PARP16: variants seen among roughly 807,000 people sequenced by gnomAD.
PARP16 encodes the protein poly(ADP-ribose) polymerase family member 16.
Under a neutral mutation model 35.0 loss-of-function variants are expected in PARP16, and 31 were observed. The ratio of observed to expected loss-of-function variants is 0.88; its 90% CI spans 0.66 to 1.19. PARP16 has a LOEUF of 1.19. PARP16 is among the 50% of genes most tolerant of loss of function. PARP16 has a pLI of 0.00. For missense variants in PARP16, 424 were observed against 411.2 expected, an observed-to-expected ratio of 1.03 and a Z score of -0.27; for synonymous variants, 162 against 169.5, an observed-to-expected ratio of 0.96 and a Z score of 0.34.
At chr15:65,231,047 C>T (rs368448569), downstream of PARP16, among the ~76,000 whole-genome samples, 1 of 152,038 alleles carries the variant, frequency 6.6e-6, no homozygotes, top group Non-Finnish European at 1.5e-5. Flanking sequence ...TGCCATCATG[C>T]CTGGCTAGTT....
chr15:65,247,866 G>A (rs1197694073), intron 3 of PARP16, among the ~76,000 whole-genome samples: 2 of 146,808 alleles, frequency 1.4e-5, no homozygotes, highest in Admixed American at 6.9e-5. Context: ...GTGCAGTGGC[G>A]CAATCTCGGC....
chr15:65,279,955 C>A (rs1267829870), intron 1 of PARP16, among the ~76,000 whole-genome samples: 1 of 151,526 alleles, frequency 6.6e-6, no homozygotes, highest in African/African-American at 2.4e-5. Flanking sequence ...AAAGAATGAT[C>A]TTTCCAAACC....
intron 1 of PARP16, among the ~76,000 whole-genome samples, chr15:65,285,910 C>G (rs1039799910): frequency 1.3e-5 from 2 of 152,190 alleles, no homozygotes; most frequent in Non-Finnish European, 2.9e-5. Flanking sequence ...GGATAACTTT[C>G]TAGCTAAGCA....
At chr15:65,248,702 C>T (rs12441021) in intron 2 of PARP16, among the ~76,000 whole-genome samples, 33,830 of 152,104 alleles carry the variant, frequency 0.22, 4,554 homozygotes, top group Admixed American at 0.31. Context: ...CCCCTGGATC[C>T]CACACTGTCT....
At chr15:65,268,111 G>A (rs1314720193) in intron 2 of PARP16, among the ~76,000 whole-genome samples, 1 of 152,042 alleles carries the variant, frequency 6.6e-6, no homozygotes, top group Non-Finnish European at 1.5e-5. Context: ...TTTGCAGGTG[G>A]GATTCTACCA....
chr15:65,285,517 G>A (rs938428129), intron 1 of PARP16: 1 of 397,514 alleles, frequency 2.5e-6, no homozygotes, highest in East Asian at 7.9e-5. Context: ...CAGCTTTGCT[G>A]GTAAACAAGA....
At chr15:65,285,157 A>G (rs1223931061) in intron 1 of PARP16, among the ~76,000 whole-genome samples, 1 of 138,076 alleles carries the variant, frequency 7.2e-6, no homozygotes, top group African/African-American at 2.8e-5. Context: ...TTTTTTTTTT[A>G]ATGGAGTTTC....
At chr15:65,247,788 A>G (rs1031567553) in intron 3 of PARP16, among the ~76,000 whole-genome samples, 7 of 150,708 alleles carry the variant, frequency 4.6e-5, no homozygotes, top group South Asian at 2.1e-4. Context: ...ACTTAGACCA[A>G]TGGATTGTTC....
chr15:65,256,823 G>GGCA (rs2089526994), downstream of PARP16, among the ~76,000 whole-genome samples: 1 of 152,148 alleles, frequency 6.6e-6, no homozygotes, highest in African/African-American at 2.4e-5. Flanking sequence ...AAGAACTTCA[G>GGCA]GTCTTTGCAT....
At chr15:65,269,205 T>TCTCTCTCTCTCTCTCTCCTCTCTC (rs1567029678) in intron 2 of PARP16, among the ~76,000 whole-genome samples, 8 of 147,292 alleles carry the variant, frequency 5.4e-5, no homozygotes, top group African/African-American at 2.1e-4. Context: ...TCTTTCTTTC[T>TCTCTCTCTCTCTCTCTCCTCTCTC]TTTTTTTTTG....
At chr15:65,239,472 A>AGAGAG in intron 3 of PARP16, among the ~76,000 whole-genome samples, 2 of 138,748 alleles carry the variant, frequency 1.4e-5, no homozygotes, top group Non-Finnish European at 3.1e-5. Flanking sequence ...AGAAAAAAAA[A>AGAGAG]AGAAAAGAAA....
intron 4 of PARP16, among the ~76,000 whole-genome samples, chr15:65,262,662 G>A (rs559922128): frequency 1.4e-5 from 2 of 147,468 alleles, no homozygotes; most frequent in East Asian, 4.0e-4. Flanking sequence ...GTAGATCGGA[G>A]GGTCTGGACC....
intron 4 of PARP16, among the ~76,000 whole-genome samples, chr15:65,262,027 G>A (rs1346924330): frequency 6.6e-6 from 1 of 152,082 alleles, no homozygotes; most frequent in Non-Finnish European, 1.5e-5. Context: ...GGAGGGTGGT[G>A]TCAGACCTGG....
intron 1 of PARP16, among the ~76,000 whole-genome samples, chr15:65,279,379 A>C (rs2140961697): frequency 6.6e-6 from 1 of 152,274 alleles, no homozygotes; most frequent in African/African-American, 2.4e-5. Context: ...TCTGCTGAGG[A>C]AAGGTCTGCA....
At position 65,271,082 on chromosome 15, in the gene PARP16, C is replaced by CTGCTTTG. The variant is rs2090078585; in HGVS notation, c.175-11_175-10insCAAAGCA. 1 of 1,613,774 alleles carries CTGCTTTG rather than the reference C, an allele frequency of 6.2e-7. No homozygotes were observed. The highest frequency in any genetic ancestry group is 2.2e-5 in the East Asian group (1 of 44,864). ...TGCTGGCATCTGCAAGCTGAAGCGA[C>CTGCTTTG]GGAAGAACTTCCATTAGCAAGGATC... On this transcript the variant is annotated splice_polypyrimidine_tract_variant and intron_variant, in intron 1 of 5. Coordinates refer to ENST00000649807, the MANE Select transcript of PARP16 (RefSeq NM_001316943.2).
downstream of PARP16, among the ~76,000 whole-genome samples, chr15:65,255,536 C>T (rs114287422): frequency 4.0e-3 from 611 of 151,942 alleles, 4 homozygotes; most frequent in African/African-American, 0.014. Flanking sequence ...CCACTCGAAC[C>T]CTCTAGACTC....
rs1217124413 is a variant in PARP16, at chr15:65,263,257, G to A, written c.583C>T (p.Pro195Ser). The A allele has an allele frequency of 6.2e-7, 1 of 1,613,594 alleles. No individual in the cohort carries two copies. The highest frequency in any genetic ancestry group is 8.5e-7 in the Non-Finnish European group (1 of 1,179,710). Residue 195 changes from proline to serine, a missense_variant, in exon 4 of 6, where the codon CCC (proline) becomes TCC (serine). Physicochemically the swap from Pro to Ser is moderately conservative, Grantham distance 74. Transcript: ENST00000649807. Reference sequence around the variant, plus strand: ...CTGTGCTGCCACCCATGGCCATGGGGGCTGTATATGAGGGCCAGGCTCAAG... The same window carrying A: ...CTGTGCTGCCACCCATGGCCATGGGAGCTGTATATGAGGGCCAGGCTCAAG... ...SDLSLALIYSPHGHGWQHSLL... is the reference protein window; with the variant it reads ...SDLSLALIYSSHGHGWQHSLL...
At chr15:65,253,576 C>T (rs903989807), downstream of PARP16, among the ~76,000 whole-genome samples, 3 of 151,974 alleles carry the variant, frequency 2.0e-5, no homozygotes, top group South Asian at 2.1e-4. Flanking sequence ...GTGATCCGCC[C>T]GCCTCGGCCT....
In PARP16 at chr15:65,286,769, A is replaced by G. The variant is rs2090614163; in HGVS notation, c.-343T>C. On this transcript the variant is annotated 5_prime_UTR_variant, in exon 1 of 6. Transcript: ENST00000649807. ...ATGACAATGGAATGACAACCGCGGG[A>G]ACGTGCTGACACGTGTCCTCCGCGG... 3.8e-6 allele frequency: 1 copy of G among 266,636 alleles called. No individual in the cohort carries two copies. The highest frequency in any genetic ancestry group is 2.2e-5 in the African/African-American group (1 of 45,252). 16.5% of individuals were successfully genotyped at this position (266,636 alleles called of 1,614,324 possible). A position where few individuals can be genotyped will look rare whatever the true frequency, so the allele number is the denominator to read the frequency against.
Sources: gnomAD v4.1 joint callset for allele counts (sites outside exome capture counted in the v4.1 genomes callset) on GRCh38, gnomAD v4.1.1 for gene constraint, MANE v1.5 for transcripts, NCBI Gene and HGNC (gene_info 2026-07-23, HGNC 2026-07-21) for gene names.